The following NCOR2 variants were observed in gnomAD, a reference collection of about 807,000 sequenced individuals.
NCOR2 encodes the protein CTG repeat protein 26.
Under a neutral mutation model 262.9 loss-of-function variants are expected in NCOR2, and 81 were observed. The observed-to-expected ratio is 0.31, with a 90% confidence interval of 0.26 to 0.37. The LOEUF (loss-of-function observed/expected upper bound fraction) is 0.37, where lower values mean the gene tolerates loss of function less well. Ranked by LOEUF, NCOR2 falls within the 10% of genes least tolerant of loss-of-function variation. NCOR2 has a pLI of 1.00. For synonymous variants in NCOR2, 1,659 were observed against 1,559.3 expected (o/e 1.06, Z -1.51); for missense variants, 3,385 against 3,621.4 (o/e 0.93, Z 1.68).
intron 16 of NCOR2, among the ~76,000 whole-genome samples, chr12:124,387,637 A>C (rs2040916403): frequency 6.6e-6 from 1 of 152,266 alleles, no homozygotes; most frequent in East Asian, 1.9e-4. Flanking sequence ...CCCGCTCCTC[A>C]GGGTTCCTCA....
At chr12:124,406,714 A>G (rs1413550986) in intron 13 of NCOR2, among the ~76,000 whole-genome samples, 1 of 151,706 alleles carries the variant, frequency 6.6e-6, no homozygotes, top group East Asian at 1.9e-4. Context: ...TCTGTGACAA[A>G]CCCTACTGGA....
chr12:124,489,453 G>A (rs187995393), intron 1 of NCOR2, among the ~76,000 whole-genome samples: 11 of 152,314 alleles, frequency 7.2e-5, no homozygotes, highest in Admixed American at 2.6e-4. Flanking sequence ...TAAGGGGTAC[G>A]TTCTGAGATG....
rs1178162700 is a variant in NCOR2, at chr12:124,549,030, G to C, written c.-164-13419C>G. Among the ~76,000 whole-genome samples the C allele has an allele frequency of 2.0e-5, 3 of 152,132 alleles. No homozygotes were observed. The highest frequency in any genetic ancestry group is 4.4e-5 in the Non-Finnish European group (3 of 68,032). The stretch of plus-strand genomic sequence containing the variant: ...TGTTGTTAATTCTGTGTCGAGTCTA[G>C]TCTGTATTAAGGAGGAATTTCATTG... On this transcript the variant is annotated intron_variant, in intron 1 of 32. Coordinates refer to the NCOR2 transcript ENST00000458234. The surrounding 1 kb of genome is among the most constrained non-coding windows in gnomAD (Gnocchi z 4.4).
intron 16 of NCOR2, among the ~76,000 whole-genome samples, chr12:124,396,299 G>T (rs1313369726): frequency 6.6e-6 from 1 of 152,232 alleles, no homozygotes; most frequent in African/African-American, 2.4e-5. Flanking sequence ...TCATGCCACT[G>T]AGATGTTCAC....
chr12:124,370,875 G>A (rs1303596633), intron 20 of NCOR2, among the ~76,000 whole-genome samples: 1 of 152,110 alleles, frequency 6.6e-6, no homozygotes, highest in African/African-American at 2.4e-5. Context: ...AATTTGCAAG[G>A]GGAACCTCTG....
intron 11 of NCOR2, among the ~76,000 whole-genome samples, chr12:124,422,976 C>T (rs1455983724): frequency 1.3e-5 from 2 of 152,188 alleles, no homozygotes; most frequent in African/African-American, 4.8e-5. Context: ...AGGGCCCCAC[C>T]AGTGGGGTCA....
chr12:124,557,259 G>T (rs766162103), intron 1 of NCOR2, among the ~76,000 whole-genome samples: 1 of 152,198 alleles, frequency 6.6e-6, no homozygotes, highest in African/African-American at 2.4e-5. Context: ...AGCTCCACAC[G>T]CCGGGGACTT....
intron 1 of NCOR2, among the ~76,000 whole-genome samples, chr12:124,552,451 T>G (rs2051742094): frequency 6.6e-6 from 1 of 152,248 alleles, no homozygotes. Flanking sequence ...CTCTTCACTC[T>G]GTGCTCTTCA....
intron 21 of NCOR2, among the ~76,000 whole-genome samples, chr12:124,362,815 G>C (rs1440416548): frequency 6.7e-6 from 1 of 150,150 alleles, no homozygotes; most frequent in Non-Finnish European, 1.5e-5. Context: ...GGTGAACAGG[G>C]GGACCCACCT....
Position 124,336,350 on chromosome 12 carries a change from G to A in NCOR2, c.6115+403C>T, listed in dbSNP as rs73223564. The A allele has an allele frequency of 9.9e-3, 1,759 of 178,392 alleles. 13 individuals carry two copies. The highest frequency in any genetic ancestry group is 0.016 in the Admixed American group (272 of 17,544). The allele number at this position is 178,392 out of a possible 1,614,324, so 11.1% of individuals were successfully genotyped here. On this transcript the variant is annotated intron_variant, in intron 38 of 46. Transcript: ENST00000405201. ...GGACACAGGCGCAAAGAGGGAGATGGGGGCGCAGTCGAAGTCAGAATCACA... is the reference window on the plus strand; with the variant it reads ...GGACACAGGCGCAAAGAGGGAGATGAGGGCGCAGTCGAAGTCAGAATCACA...
At chr12:124,445,101 AGCAACG>A (rs1185627126) in intron 7 of NCOR2, among the ~76,000 whole-genome samples, 1 of 152,184 alleles carries the variant, frequency 6.6e-6, no homozygotes. Context: ...GAGAAAAACG[AGCAACG>A]GAAGAAACCG....
At chr12:124,363,591 T>C (rs1794956) in intron 21 of NCOR2, 88 bp downstream of exon 23, 1,178,973 of 1,200,818 alleles carry the variant, frequency 0.98, 579,417 homozygotes, top group Non-Finnish European at 0.99. Flanking sequence ...TGCAGGTGCA[T>C]GCTCCCGCCC....
At chr12:124,374,533 C>T (rs1473316653) in intron 18 of NCOR2, 70 bp from the exon 21 acceptor site, 55 of 1,488,236 alleles carry the variant, frequency 3.7e-5, no homozygotes, top group South Asian at 1.1e-4. Flanking sequence ...GAGGAGGCAA[C>T]GTGGCCAAGA....
intron 28 of NCOR2, chr12:124,348,659 A>T: frequency 2.8e-6 from 1 of 355,928 alleles, no homozygotes; most frequent in South Asian, 5.6e-5. Context: ...GGGTGCCGAC[A>T]TGGGGCGTGA....
At chr12:124,365,184 G>A (rs1002541205) in intron 20 of NCOR2, among the ~76,000 whole-genome samples, 1 of 152,198 alleles carries the variant, frequency 6.6e-6, no homozygotes, top group Admixed American at 6.5e-5. Flanking sequence ...TGGCAGGCGT[G>A]AGGGCAGCAG....
chr12:124,428,204 CGG>C (rs1289470049), intron 10 of NCOR2, among the ~76,000 whole-genome samples: 1 of 152,122 alleles, frequency 6.6e-6, no homozygotes, highest in East Asian at 1.9e-4. Flanking sequence ...AGCCTCTCTG[CGG>C]GATGTCCATA....
rs2047690060 is a variant in NCOR2 at position 124,484,823 on chromosome 12, A to G, written c.234-1050T>C. 4.6e-5 allele frequency among the ~76,000 whole-genome samples: 7 copies of G among 152,314 alleles called. No individual in the cohort carries two copies. The South Asian group carries it at 1.4e-3, about 32-fold the overall frequency. On this transcript the variant is annotated intron_variant, in intron 2 of 46. Coordinates refer to ENST00000405201, the Ensembl canonical transcript of NCOR2. ...TCCTGGCCACCTCCCCCACCCATGA[A>G]TGAACGCAGGGTGGTTCACCTGTCT...
exon 45 of NCOR2, chr12:124,327,443 A>C: frequency 6.2e-7 from 1 of 1,612,476 alleles, no homozygotes; most frequent in South Asian, 1.1e-5. Flanking sequence ...TCCGTCCGTC[A>C]GCAGCGGTTA....
chr12:124,552,951 C>G (rs570321216), intron 1 of NCOR2, among the ~76,000 whole-genome samples: 59 of 152,358 alleles, frequency 3.9e-4, no homozygotes, highest in Middle Eastern at 3.4e-3. Flanking sequence ...TCACAAAGTG[C>G]TGGGGATTAC....
Sources: gnomAD v4.1 joint callset for allele counts (sites outside exome capture counted in the v4.1 genomes callset) on GRCh38, gnomAD v4.1.1 for gene constraint, Gnocchi (gnomAD v3.1) non-coding constraint, MANE v1.5 for transcripts, NCBI Gene and HGNC (gene_info 2026-07-23, HGNC 2026-07-21) for gene names.